Variants in ABLIM2 observed in about 807,000 individuals in gnomAD.
ABLIM2 encodes actin-binding LIM protein 2.
In ABLIM2, 53 loss-of-function variants were observed where a neutral mutation model predicts 97.7. The ratio of observed to expected loss-of-function variants is 0.54; its 90% CI spans 0.44 to 0.68. The LOEUF is 0.68. ABLIM2 is among the 30% of genes least tolerant of loss of function. The pLI is 0.00. For synonymous variants in ABLIM2, 361 were observed against 345.8 expected, an observed-to-expected ratio of 1.04 and a Z score of -0.49; for missense variants, 835 against 867.2, an observed-to-expected ratio of 0.96 and a Z score of 0.47.
rs1744327476 is a variant in ABLIM2 at position 7,986,578 on chromosome 4, C to T, written c.1681-1685G>A. On this transcript the variant is annotated intron_variant, in intron 17 of 20. Coordinates refer to ENST00000447017, the MANE Select transcript of ABLIM2 (RefSeq NM_001130083.2). This position sits in a 1 kb window ranked among gnomAD's most constrained non-coding sequence, Gnocchi z 4.3. ...GCATTTTCTTCTTTAGTGCCTTGCTCCCTCACTCTAGTTCTGGGCCTGGAC... is the reference window on the plus strand; with the variant it reads ...GCATTTTCTTCTTTAGTGCCTTGCTTCCTCACTCTAGTTCTGGGCCTGGAC... Among the ~76,000 whole-genome samples the T allele has an allele frequency of 6.6e-6, 1 of 152,182 alleles. No homozygotes were observed.
chr4:7,973,502 A>G (rs80301574), intron 20 of ABLIM2, among the ~76,000 whole-genome samples: 1 of 117,510 alleles, frequency 8.5e-6, no homozygotes. Context: ...CTACGTCTTG[A>G]AAAAAAAAAA....
intron 20 of ABLIM2, among the ~76,000 whole-genome samples, chr4:7,981,920 G>A (rs1228560842): frequency 1.3e-5 from 2 of 152,200 alleles, no homozygotes; most frequent in Non-Finnish European, 2.9e-5. Context: ...GACACAGCCT[G>A]TAGCACCTGC....
chr4:8,107,827 C>T (rs1248542229), intron 1 of ABLIM2, among the ~76,000 whole-genome samples: 1 of 152,308 alleles, frequency 6.6e-6, no homozygotes, highest in East Asian at 1.9e-4. Context: ...CTGAGCCCAA[C>T]ATCATCACGG....
rs947335351 is a variant in ABLIM2 at position 8,087,042 on chromosome 4, G to C, written c.454+1127C>G. On this transcript the variant is annotated intron_variant, in intron 4 of 20. Coordinates refer to ENST00000447017, the MANE Select transcript of ABLIM2 (RefSeq NM_001130083.2). This position sits in a 1 kb window ranked among gnomAD's most constrained non-coding sequence, Gnocchi z 4.6. ...CCTCGGGGAGGCTGGAAGTGGAATC[G>C]CCTCTGTAGAGACTCTCAACGCAGC... 6.6e-6 allele frequency among the ~76,000 whole-genome samples: 1 copy of C among 152,158 alleles called. No homozygotes were observed. Among genetic ancestry groups the C allele is most frequent in the Non-Finnish European group, 1.5e-5 (1 of 68,030 alleles).
At chr4:8,084,964 C>A (rs1822387701) in intron 4 of ABLIM2, among the ~76,000 whole-genome samples, 1 of 152,178 alleles carries the variant, frequency 6.6e-6, no homozygotes, top group Non-Finnish European at 1.5e-5. Context: ...AATGGGTCAG[C>A]ACTGGAGAGC....
At chr4:8,141,202 G>A (rs56033663) in intron 1 of ABLIM2, among the ~76,000 whole-genome samples, 40,450 of 150,660 alleles carry the variant, frequency 0.27, 7,256 homozygotes, top group African/African-American at 0.52. Flanking sequence ...CCCACCCCCC[G>A]GAGCCCTAAG....
chr4:8,020,853 T>A (rs969723430), intron 12 of ABLIM2: 1 of 151,582 alleles, frequency 6.6e-6, no homozygotes, highest in Non-Finnish European at 1.4e-5. Flanking sequence ...ATTCTTTTTT[T>A]TTTTTTTTTT....
rs553743931 is a variant in ABLIM2, at chr4:8,122,998, C to T, written c.11-16361G>A. ...GTCTTCCCGGAGGTCGTGCCTGCCT[C>T]CCCTGGCGTTCCCACTCTGCAAGCC... On this transcript the variant is annotated intron_variant, in intron 1 of 20. Transcript: ENST00000447017. The surrounding 1 kb of genome is among the most constrained non-coding windows in gnomAD (Gnocchi z 4.1). 6.6e-6 allele frequency among the ~76,000 whole-genome samples: 1 copy of T among 152,278 alleles called. No individual in the cohort carries two copies. Among genetic ancestry groups the T allele is most frequent in the African/African-American group, 2.4e-5 (1 of 41,560 alleles).
At position 8,072,972 on chromosome 4, in the gene ABLIM2, G is replaced by T. The variant is rs1466660091; in HGVS notation, c.675+4656C>A. Among the ~76,000 whole-genome samples, 1 of 152,134 alleles carries T rather than the reference G, an allele frequency of 6.6e-6. No individual in the cohort carries two copies. Among genetic ancestry groups the T allele is most frequent in the African/African-American group, 2.4e-5 (1 of 41,426 alleles). On this transcript the variant is annotated intron_variant, in intron 6 of 20. Transcript: ENST00000447017. The surrounding 1 kb of genome is among the most constrained non-coding windows in gnomAD (Gnocchi z 5.8). Reference sequence around the variant, plus strand: ...AAGAGCAGGGAGAGTACAGGTGGAGGAGCACAGAGAGGGTCTCTGAGAGGC... The same window carrying T: ...AAGAGCAGGGAGAGTACAGGTGGAGTAGCACAGAGAGGGTCTCTGAGAGGC...
intron 2 of ABLIM2, among the ~76,000 whole-genome samples, chr4:8,098,820 G>C (rs1379783356): frequency 6.6e-6 from 1 of 152,214 alleles, no homozygotes. Flanking sequence ...CCTGAGTCCT[G>C]CCTGGCTCAG....
chr4:8,145,469 C>T (rs1490284794), intron 1 of ABLIM2, among the ~76,000 whole-genome samples: 2 of 152,126 alleles, frequency 1.3e-5, no homozygotes, highest in Non-Finnish European at 2.9e-5. Flanking sequence ...CAGGCATGAG[C>T]TACCGCGCCC....
rs1206633218 is a variant in ABLIM2, at chr4:8,045,147, A to G, written c.900+17T>C. 1.9e-6 allele frequency: 3 copies of G among 1,611,994 alleles called. No homozygotes were observed. In the African/African-American group the frequency reaches 4.0e-5, roughly 22 times the overall value. ...CCACCCTCCCACCGCCGTCCCCATA[A>G]AAAGGCCCTGACTTACATAAATCAC... is the stretch of plus-strand genomic sequence containing the variant. On this transcript the variant is annotated intron_variant, in intron 9 of 20. Transcript: ENST00000447017.
At chr4:7,991,157 G>C (rs750899454) in intron 17 of ABLIM2, among the ~76,000 whole-genome samples, 15 of 152,240 alleles carry the variant, frequency 9.9e-5, no homozygotes, top group Non-Finnish European at 1.3e-4. Context: ...CAGAAAGTCT[G>C]AATAGGCTGT....
Position 8,005,181 on chromosome 4 carries a change from G to T in ABLIM2, c.1618+2878C>A. The T allele has an allele frequency of 2.6e-6, 1 of 390,986 alleles. No homozygotes were observed. Among genetic ancestry groups the T allele is most frequent in the East Asian group, 6.7e-5 (1 of 14,878 alleles). 24.2% of individuals were successfully genotyped at this position (390,986 alleles called of 1,614,324 possible). On this transcript the variant is annotated intron_variant, in intron 16 of 20. Coordinates refer to ENST00000447017, the MANE Select transcript of ABLIM2 (RefSeq NM_001130083.2). The surrounding 1 kb of genome is among the most constrained non-coding windows in gnomAD (Gnocchi z 4.9). Reference sequence around the variant, plus strand: ...AGGTGCCCGGCGGGCAGGCGGCGGCGGGATGCGTGTGCGCTCGCTCTGTCG... The same window carrying T: ...AGGTGCCCGGCGGGCAGGCGGCGGCTGGATGCGTGTGCGCTCGCTCTGTCG...
intron 1 of ABLIM2, among the ~76,000 whole-genome samples, chr4:8,146,812 G>T (rs1851875325): frequency 6.6e-6 from 1 of 152,084 alleles, no homozygotes; most frequent in African/African-American, 2.4e-5. Context: ...TTACAGGTGT[G>T]AGCCACCATG....
rs1318868504 is a variant in ABLIM2 at position 7,966,952 on chromosome 4, G to C, written c.*38C>G. 3 of 1,464,636 alleles carry C rather than the reference G, an allele frequency of 2.0e-6. No individual in the cohort carries two copies. Among genetic ancestry groups the C allele is most frequent in the East Asian group, 5.5e-5 (2 of 36,406 alleles). 90.7% of individuals were successfully genotyped at this position (1,464,636 alleles called of 1,614,324 possible). A position where few individuals can be genotyped will look rare whatever the true frequency, so the allele number is the denominator to read the frequency against. On this transcript the variant is annotated 3_prime_UTR_variant, in exon 21 of 21. Coordinates refer to ENST00000447017, the MANE Select transcript of ABLIM2 (RefSeq NM_001130083.2). ...GTTCTCGCCAGGGGCCCCTGGCCTCGGCGCCCGGCACACACCAGTGGGGCA... is the reference window on the plus strand; with the variant it reads ...GTTCTCGCCAGGGGCCCCTGGCCTCCGCGCCCGGCACACACCAGTGGGGCA...
intron 9 of ABLIM2, among the ~76,000 whole-genome samples, chr4:8,036,759 G>A (rs1471165670): frequency 6.6e-6 from 1 of 152,212 alleles, no homozygotes. Context: ...TACCTGGCAT[G>A]GGGTCTGGCA....
chr4:8,032,624 G>A lies in ABLIM2; in HGVS notation c.1048-2848C>T. The A allele has an allele frequency of 1.2e-6, 2 of 1,612,370 alleles. No individual in the cohort carries two copies. The highest frequency in any genetic ancestry group is 1.7e-6 in the Non-Finnish European group (2 of 1,179,772). On this transcript the variant is annotated intron_variant, in intron 10 of 20. Coordinates refer to ENST00000447017, the MANE Select transcript of ABLIM2 (RefSeq NM_001130083.2). This position sits in a 1 kb window ranked among gnomAD's most constrained non-coding sequence, Gnocchi z 4.3. ...AGGCAGCAGCGCCACGGCAAGCGGG[G>A]ACAGGCGAGAGGGTGGTGGTTACCT...
In ABLIM2 at chr4:8,122,355, T is replaced by C. The variant is rs923304918; in HGVS notation, c.11-15718A>G. On this transcript the variant is annotated intron_variant, in intron 1 of 20. Transcript: ENST00000447017. This position sits in a 1 kb window ranked among gnomAD's most constrained non-coding sequence, Gnocchi z 4.1. ...ACCCTCTGTCCTGGTCCATGTGGGCTGCCAGAACAATACCAGATGTGGTGG... is the reference window on the plus strand; with the variant it reads ...ACCCTCTGTCCTGGTCCATGTGGGCCGCCAGAACAATACCAGATGTGGTGG... Among the ~76,000 whole-genome samples, 7 of 152,228 alleles carry C rather than the reference T, an allele frequency of 4.6e-5. No individual in the cohort carries two copies. Among genetic ancestry groups the C allele is most frequent in the African/African-American group, 1.7e-4 (7 of 41,458 alleles).
Sources: allele counts gnomAD v4.1 joint callset (sites outside exome capture counted in the v4.1 genomes callset), GRCh38; gene constraint gnomAD v4.1.1; non-coding constraint Gnocchi (gnomAD v3.1); transcripts MANE v1.5; gene names NCBI Gene and HGNC (gene_info 2026-07-23, HGNC 2026-07-21).